LMBRD1: variants seen among roughly 807,000 people sequenced by gnomAD.
LMBRD1 encodes the protein lysosomal cobalamin transport escort protein LMBD1.
LMBRD1 carries 64 observed loss-of-function variants against 74.8 expected under a neutral mutation model. The observed-to-expected ratio is 0.86, with a 90% CI of 0.70 to 1.05. The LOEUF is 1.05. Among genes scored for constraint, LMBRD1 ranks in the 50% least tolerant of loss-of-function variants. The pLI is 0.00. For synonymous variants in LMBRD1, 204 were observed against 216.3 expected (o/e 0.94, Z 0.50); for missense variants, 652 against 645.9 (o/e 1.01, Z -0.10).
chr6:69,693,232 C>A (rs948113551), intron 14 of LMBRD1, among the ~76,000 whole-genome samples: 1 of 151,938 alleles, frequency 6.6e-6, no homozygotes, highest in Non-Finnish European at 1.5e-5. Flanking sequence ...GATAGGCATT[C>A]TTTTTAGGAT....
At chr6:69,696,369 A>T (rs1582057154) in intron 14 of LMBRD1, among the ~76,000 whole-genome samples, 1 of 152,158 alleles carries the variant, frequency 6.6e-6, no homozygotes, top group East Asian at 1.9e-4. Context: ...TCCATTATCT[A>T]TATAACTGCT....
chr6:69,793,718 CTTTTTTTTTTT>C (rs34341228), intron 1 of LMBRD1, among the ~76,000 whole-genome samples: 3 of 96,054 alleles, frequency 3.1e-5, no homozygotes, highest in East Asian at 6.5e-4. Flanking sequence ...TGTCCTGAAT[CTTTTTTTTTTT>C]TTTTTTTTTT....
At chr6:69,742,766 T>C (rs1046874319) in intron 5 of LMBRD1, among the ~76,000 whole-genome samples, 1 of 152,126 alleles carries the variant, frequency 6.6e-6, no homozygotes, top group African/African-American at 2.4e-5. Context: ...TAATAATGTT[T>C]TCATGTAAAA....
At chr6:69,716,228 T>G (rs1291334767) in intron 8 of LMBRD1, among the ~76,000 whole-genome samples, 1 of 152,210 alleles carries the variant, frequency 6.6e-6, no homozygotes, top group African/African-American at 2.4e-5. Flanking sequence ...AATTTGCACT[T>G]CTACCAACAG....
intron 3 of LMBRD1, among the ~76,000 whole-genome samples, chr6:69,771,987 G>C (rs1216614462): frequency 6.6e-6 from 1 of 152,108 alleles, no homozygotes; most frequent in Admixed American, 6.5e-5. Flanking sequence ...AAGATTCAAG[G>C]ATGACTCTAA....
chr6:69,751,335 T>A (rs1053185042), intron 4 of LMBRD1, among the ~76,000 whole-genome samples: 9 of 152,276 alleles, frequency 5.9e-5, no homozygotes, highest in African/African-American at 1.9e-4. Flanking sequence ...GTCCTTTTTT[T>A]TTTTTTCTGA....
At position 69,769,503 on chromosome 6, in the gene LMBRD1, A is replaced by G. The variant is rs376609599; in HGVS notation, c.307+10991T>C. On this transcript the variant is annotated intron_variant, in intron 3 of 15. Transcript: ENST00000649934. The stretch of plus-strand genomic sequence containing the variant: ...AACATCTAGAAATACTGTTTCCACT[A>G]TATGCTGTTTTCCTTAGCATTGTTC... Among the ~76,000 whole-genome samples the G allele has an allele frequency of 6.8e-4, 103 of 152,218 alleles. 1 individual carries two copies. The South Asian group carries it at 0.015, about 22-fold the overall frequency.
At chr6:69,724,348 T>TTA (rs371398675) in intron 7 of LMBRD1, among the ~76,000 whole-genome samples, 4 of 122,126 alleles carry the variant, frequency 3.3e-5, no homozygotes, top group Admixed American at 8.0e-5. Context: ...AAGACACATT[T>TTA]AAAAAAAAAA....
chr6:69,702,782 T>C (rs1042850337), intron 9 of LMBRD1, among the ~76,000 whole-genome samples: 4 of 152,022 alleles, frequency 2.6e-5, no homozygotes, highest in Non-Finnish European at 4.4e-5. Context: ...CACAGTTAAG[T>C]GTGTTGGGCT....
chr6:69,723,030 G>A (rs755419813), intron 7 of LMBRD1, among the ~76,000 whole-genome samples: 14 of 152,058 alleles, frequency 9.2e-5, no homozygotes, highest in Non-Finnish European at 1.6e-4. Flanking sequence ...AAGTAACTAT[G>A]TTTATATTGG....
chr6:69,696,611 T>C (rs1766002661), intron 14 of LMBRD1, among the ~76,000 whole-genome samples: 1 of 152,040 alleles, frequency 6.6e-6, no homozygotes, highest in Non-Finnish European at 1.5e-5. Flanking sequence ...CAGCCTTCCC[T>C]TGATGTGCAT....
intron 8 of LMBRD1, among the ~76,000 whole-genome samples, chr6:69,716,711 A>G (rs1258928733): frequency 6.6e-6 from 1 of 151,940 alleles, no homozygotes; most frequent in Non-Finnish European, 1.5e-5. Context: ...AGATTTAACA[A>G]CTTATTTTGA....
chr6:69,774,529 A>C (rs1376255766), intron 3 of LMBRD1, among the ~76,000 whole-genome samples: 2 of 152,114 alleles, frequency 1.3e-5, no homozygotes, highest in Admixed American at 1.3e-4. Flanking sequence ...CTTTTACTTA[A>C]TGTTTTTTCT....
Position 69,763,546 on chromosome 6 carries a change from C to T in LMBRD1, c.308-11190G>A, listed in dbSNP as rs1765416910. On this transcript the variant is annotated intron_variant, in intron 3 of 15. Transcript: ENST00000649934. ...TATGAAAATGTACTACTCTACAAGA[C>T]ATAAAAAGAATGTCCCCAAAGGTGA... Among the ~76,000 whole-genome samples the T allele has an allele frequency of 2.0e-5, 3 of 152,094 alleles. No homozygotes were observed. The South Asian group carries it at 6.2e-4, about 32-fold the overall frequency.
intron 10 of LMBRD1, 39 bp from the exon 11 acceptor site, chr6:69,701,584 A>C (rs1260956721): frequency 7.8e-7 from 1 of 1,279,796 alleles, no homozygotes; most frequent in South Asian, 1.3e-5. Flanking sequence ...ATGTTATACT[A>C]TCAAATTTTC....
In LMBRD1 at chr6:69,674,527, A is replaced by C. The variant is rs1231999065; in HGVS notation, c.*1631T>G. Among the ~76,000 whole-genome samples the C allele has an allele frequency of 6.6e-6, 1 of 152,246 alleles. No homozygotes were observed. The highest frequency in any genetic ancestry group is 1.9e-4 in the East Asian group (1 of 5,202). On this transcript the variant is annotated 3_prime_UTR_variant, in exon 16 of 16. Transcript: ENST00000649934. The stretch of plus-strand genomic sequence containing the variant: ...TTGTCAAAAAAATGAATGCAGAAGA[A>C]GGCTTAGTTTGCCCCCACAAAAGTG...
At chr6:69,708,600 AT>A (rs1361629548) in intron 9 of LMBRD1, among the ~76,000 whole-genome samples, 1 of 152,024 alleles carries the variant, frequency 6.6e-6, no homozygotes, top group Non-Finnish European at 1.5e-5. Context: ...AGTTATGTAT[AT>A]GCTAGGGAAA....
At chr6:69,746,045 T>C (rs1031556786) in intron 5 of LMBRD1, 1 of 213,044 alleles carries the variant, frequency 4.7e-6, no homozygotes, top group Non-Finnish European at 1.0e-5. Context: ...TCTAGGGCAC[T>C]GTCAAGGCTG....
At position 69,780,493 on chromosome 6, in the gene LMBRD1, C is replaced by T; in HGVS notation, c.307+1G>A. ...AGGGAAAGAAACTGAAAGATACTTACTATAGTAACCGTATAATACAGTGTC... is the reference window on the plus strand; with the variant it reads ...AGGGAAAGAAACTGAAAGATACTTATTATAGTAACCGTATAATACAGTGTC... On this transcript the variant is annotated splice_donor_variant, in intron 3 of 15. Transcript: ENST00000649934. LOFTEE classifies it high-confidence loss of function. The T allele has an allele frequency of 6.2e-7, 1 of 1,603,296 alleles. No individual in the cohort carries two copies. Among genetic ancestry groups the T allele is most frequent in the African/African-American group, 1.3e-5 (1 of 74,816 alleles).
Sources: gnomAD v4.1 joint callset for allele counts (sites outside exome capture counted in the v4.1 genomes callset) on GRCh38, gnomAD v4.1.1 for gene constraint, MANE v1.5 for transcripts, NCBI Gene and HGNC (gene_info 2026-07-23, HGNC 2026-07-21) for gene names.